Variants in KCTD8 observed in about 807,000 individuals in gnomAD.
KCTD8 encodes the protein potassium channel tetramerization domain containing 8.
Under a neutral mutation model 31.5 loss-of-function variants are expected in KCTD8, and 27 were observed. The observed-to-expected ratio is 0.86, with a 90% CI of 0.63 to 1.18. The LOEUF (loss-of-function observed/expected upper bound fraction) is 1.18. Among genes scored for constraint, KCTD8 ranks in the 50% most tolerant of loss-of-function variants. The pLI is 0.00. For synonymous variants in KCTD8, 290 were observed against 280.0 expected (o/e 1.04, Z -0.36); for missense variants, 658 against 647.7 (o/e 1.02, Z -0.17).
At chr4:44,392,559 C>T (rs760953601) in intron 1 of KCTD8, among the ~76,000 whole-genome samples, 1 of 151,800 alleles carries the variant, frequency 6.6e-6, no homozygotes, top group Non-Finnish European at 1.5e-5. Context: ...CCTTGATTTC[C>T]CTGCCAATAT....
At chr4:44,438,929 C>A (rs1721748777) in intron 1 of KCTD8, among the ~76,000 whole-genome samples, 1 of 152,166 alleles carries the variant, frequency 6.6e-6, no homozygotes, top group African/African-American at 2.4e-5. Flanking sequence ...AAAGTGAATA[C>A]AATTGTTTCT....
intron 1 of KCTD8, among the ~76,000 whole-genome samples, chr4:44,366,438 T>A (rs745312660): frequency 6.6e-5 from 10 of 152,212 alleles, no homozygotes; most frequent in Non-Finnish European, 1.2e-4. Context: ...CTCTCTCTAT[T>A]TTCTGCTGCC....
chr4:44,303,270 A>T (rs1023634105), intron 1 of KCTD8, among the ~76,000 whole-genome samples: 4 of 151,922 alleles, frequency 2.6e-5, no homozygotes, highest in Non-Finnish European at 4.4e-5. Flanking sequence ...TTTTCTATTG[A>T]TTGGAATAGT....
chr4:44,320,485 T>C (rs564489966), intron 1 of KCTD8, among the ~76,000 whole-genome samples: 3 of 152,314 alleles, frequency 2.0e-5, no homozygotes, highest in African/African-American at 7.2e-5. Context: ...ATGATTCAGA[T>C]ATATAGCTAT....
intron 1 of KCTD8, among the ~76,000 whole-genome samples, chr4:44,438,757 T>C (rs1320284779): frequency 6.6e-6 from 1 of 152,196 alleles, no homozygotes; most frequent in Non-Finnish European, 1.5e-5. Context: ...CTGAGAATTA[T>C]TGTAAAGAAA....
chr4:44,192,449 T>C (rs1713792189), intron 1 of KCTD8, among the ~76,000 whole-genome samples: 1 of 146,350 alleles, frequency 6.8e-6, no homozygotes, highest in Admixed American at 6.8e-5. Flanking sequence ...TCTCAAACAG[T>C]GGATGGGGTG....
At chr4:44,390,455 C>A (rs1312793043) in intron 1 of KCTD8, among the ~76,000 whole-genome samples, 2 of 151,800 alleles carry the variant, frequency 1.3e-5, no homozygotes, top group African/African-American at 4.8e-5. Flanking sequence ...GGCTGTATTT[C>A]ACCTTATTTC....
At chr4:44,402,386 C>A (rs1434787778) in intron 1 of KCTD8, among the ~76,000 whole-genome samples, 1 of 152,028 alleles carries the variant, frequency 6.6e-6, no homozygotes, top group Non-Finnish European at 1.5e-5. Context: ...AATATAATAT[C>A]AATATTTAAT....
At chr4:44,182,520 T>G (rs1577814929) in intron 1 of KCTD8, among the ~76,000 whole-genome samples, 1 of 152,314 alleles carries the variant, frequency 6.6e-6, no homozygotes, top group East Asian at 1.9e-4. Flanking sequence ...ACATGTGCTG[T>G]GTCCACTCAG....
At chr4:44,213,774 C>A (rs1472076254) in intron 1 of KCTD8, among the ~76,000 whole-genome samples, 1 of 152,110 alleles carries the variant, frequency 6.6e-6, no homozygotes, top group Non-Finnish European at 1.5e-5. Flanking sequence ...TATATTTGGG[C>A]TCAGGACATA....
intron 1 of KCTD8, among the ~76,000 whole-genome samples, chr4:44,348,431 C>G (rs2109423070): frequency 6.6e-6 from 1 of 152,178 alleles, no homozygotes; most frequent in Middle Eastern, 3.4e-3. Context: ...TAAATGCAAA[C>G]TACAGTGAAA....
chr4:44,416,531 A>T (rs1721081288), intron 1 of KCTD8, among the ~76,000 whole-genome samples: 1 of 152,160 alleles, frequency 6.6e-6, no homozygotes, highest in African/African-American at 2.4e-5. Context: ...GTATTTGATC[A>T]TAGGGGCGGA....
chr4:44,408,731 G>C (rs1334224399), intron 1 of KCTD8, among the ~76,000 whole-genome samples: 4 of 152,032 alleles, frequency 2.6e-5, no homozygotes, highest in East Asian at 1.9e-4. Flanking sequence ...CAATTCCTCT[G>C]CCTCAGCCTC....
rs556496369 is a variant in KCTD8 at position 44,400,655 on chromosome 4, G to A, written c.961+46908C>T. Among the ~76,000 whole-genome samples the A allele has an allele frequency of 4.7e-5, 7 of 148,434 alleles. No individual in the cohort carries two copies. The South Asian group carries it at 1.5e-3, about 31-fold the overall frequency. On this transcript the variant is annotated intron_variant, in intron 1 of 1. Transcript: ENST00000360029. ...GAGGCAGTAGAATCACTTGAACCTG[G>A]AAGGTGGAGGTTGCAGTGAGCTGAA...
At chr4:44,307,890 A>C (rs549136282) in intron 1 of KCTD8, among the ~76,000 whole-genome samples, 3 of 152,110 alleles carry the variant, frequency 2.0e-5, no homozygotes, top group Non-Finnish European at 4.4e-5. Flanking sequence ...TATAGTGTAC[A>C]TATTCAATGT....
chr4:44,261,635 C>A (rs1461605312), intron 1 of KCTD8, among the ~76,000 whole-genome samples: 3 of 151,998 alleles, frequency 2.0e-5, no homozygotes, highest in Admixed American at 2.0e-4. Flanking sequence ...CTACTCTCTG[C>A]TTTTATAGTT....
At chr4:44,342,610 C>T (rs1429270484) in intron 1 of KCTD8, among the ~76,000 whole-genome samples, 14 of 152,136 alleles carry the variant, frequency 9.2e-5, no homozygotes, top group Non-Finnish European at 2.1e-4. Flanking sequence ...AGAGAGATAA[C>T]CTGTCTTTTA....
Position 44,271,483 on chromosome 4 carries a change from C to A in KCTD8, c.962-96233G>T, listed in dbSNP as rs148009789. On this transcript the variant is annotated intron_variant, in intron 1 of 1. Coordinates refer to ENST00000360029, the MANE Select transcript of KCTD8 (RefSeq NM_198353.3). Reference sequence around the variant, plus strand: ...TGAGTGTGTGACTGCTGGGGATAGGCCCCCAAATCTGCCCATAAACTGGTC... The same window carrying A: ...TGAGTGTGTGACTGCTGGGGATAGGACCCCAAATCTGCCCATAAACTGGTC... Among the ~76,000 whole-genome samples, 929 of 152,186 alleles carry A rather than the reference C, an allele frequency of 6.1e-3. 13 individuals are homozygous for A. The highest frequency in any genetic ancestry group is 0.021 in the African/African-American group (866 of 41,530).
chr4:44,275,130 G>T (rs1191757992), intron 1 of KCTD8, among the ~76,000 whole-genome samples: 2 of 151,868 alleles, frequency 1.3e-5, no homozygotes, highest in Non-Finnish European at 1.5e-5. Context: ...GTTGGAGAAG[G>T]TATCCTAAAA....
Sources: gnomAD v4.1 joint callset for allele counts (sites outside exome capture counted in the v4.1 genomes callset) on GRCh38, gnomAD v4.1.1 for gene constraint, MANE v1.5 for transcripts, NCBI Gene and HGNC (gene_info 2026-07-23, HGNC 2026-07-21) for gene names.